The following TENM1 variants were observed in gnomAD, a reference collection of about 807,000 sequenced individuals.
TENM1 encodes the protein teneurin transmembrane protein 1.
Under a neutral mutation model 174.8 loss-of-function variants are expected in TENM1, and 35 were observed. The observed-to-expected ratio is 0.20, with a 90% confidence interval of 0.15 to 0.27. The LOEUF (loss-of-function observed/expected upper bound fraction) is 0.27. Among genes scored for constraint, TENM1 ranks in the 10% least tolerant of loss-of-function variants. TENM1 has a pLI of 1.00. For missense variants in TENM1, 1,633 were observed against 2,130.1 expected (o/e 0.77, Z 4.59); for synonymous variants, 781 against 798.7 (o/e 0.98, Z 0.37).
Position 124,948,172 on chromosome X carries a change from G to T in TENM1, c.217+15365C>A, listed in dbSNP as rs1287899661. On this transcript the variant is annotated intron_variant, in intron 1 of 31. Transcript: ENST00000422452. ...TGTAATGATAGTAACTGAAGTAATA[G>T]TTGTTGGTAGTAATTGGATCATAAA... 7.1e-5 allele frequency among the ~76,000 whole-genome samples: 8 copies of T among 112,099 alleles called. No individual in the cohort carries two copies. In the Admixed American group the frequency reaches 7.6e-4, roughly 11 times the overall value.
chrX:124,440,332 T>C (rs1199878823), intron 23 of TENM1, among the ~76,000 whole-genome samples: 3 of 112,293 alleles, frequency 2.7e-5, no homozygotes, highest in African/African-American at 6.5e-5. Context: ...CAACAGAAAA[T>C]ACTTCATGAA....
the TENM1 span, among the ~76,000 whole-genome samples, chrX:124,988,108 A>T: frequency 1.8e-5 from 2 of 111,685 alleles, no homozygotes; most frequent in African/African-American, 6.5e-5. Context: ...AGCAGTGATT[A>T]TAGAGGGGAG....
intron 11 of TENM1, among the ~76,000 whole-genome samples, chrX:124,588,514 G>A (rs2049617571): frequency 9.3e-6 from 1 of 107,216 alleles, no homozygotes; most frequent in South Asian, 4.5e-4. Flanking sequence ...GACACAGGAA[G>A]GGGAACATCA....
the TENM1 span, among the ~76,000 whole-genome samples, chrX:125,112,105 G>T: frequency 9.4e-6 from 1 of 106,356 alleles, no homozygotes; most frequent in African/African-American, 3.4e-5. Flanking sequence ...ATTTGTACCA[G>T]ATAGTAGCAA....
chrX:124,582,908 C>T lies in TENM1; in HGVS notation c.2078-17348G>A, dbSNP rs186447148. Among the ~76,000 whole-genome samples the T allele has an allele frequency of 7.2e-3, 812 of 112,430 alleles. 10 individuals are homozygous for T. The highest frequency in any genetic ancestry group is 0.025 in the African/African-American group (767 of 30,969). On this transcript the variant is annotated intron_variant, in intron 11 of 31. Transcript: ENST00000422452. ...CCCGCACCTGGCTTCGAGGGTCCTA[C>T]GCCCACGGAGTCTCGCTGATTGCTA...
At chrX:124,935,526 CCTT>C (rs2058232578) in intron 1 of TENM1, among the ~76,000 whole-genome samples, 1 of 112,210 alleles carries the variant, frequency 8.9e-6, no homozygotes, top group Non-Finnish European at 1.9e-5. Flanking sequence ...TTTTCAGTCT[CCTT>C]ATTTGATTAT....
intron 3 of TENM1, among the ~76,000 whole-genome samples, chrX:124,882,046 A>G (rs2057313570): frequency 8.9e-6 from 1 of 112,143 alleles, no homozygotes; most frequent in South Asian, 3.7e-4. Flanking sequence ...AGGTTTTGCT[A>G]TATTGTGTTT....
At chrX:124,467,715 T>G (rs146453786) in intron 22 of TENM1, among the ~76,000 whole-genome samples, 1,746 of 111,962 alleles carry the variant, frequency 0.016, 19 homozygotes, top group South Asian at 0.072. Flanking sequence ...AATGGAATAG[T>G]CAGGCATACA....
intron 11 of TENM1, among the ~76,000 whole-genome samples, chrX:124,586,888 C>T (rs1476632484): frequency 9.2e-6 from 1 of 109,173 alleles, no homozygotes; most frequent in Non-Finnish European, 1.9e-5. Flanking sequence ...TTCTTATACA[C>T]CAATAACAGA....
In TENM1 at chrX:124,547,461, G is replaced by A. The variant is rs1171857871; in HGVS notation, c.2435-371C>T. Reference sequence around the variant, plus strand: ...TTCTTTCCGAATGCGATGATTTCTTGTAAGTACACCTAGTACATCTATGAG... The same window carrying A: ...TTCTTTCCGAATGCGATGATTTCTTATAAGTACACCTAGTACATCTATGAG... On this transcript the variant is annotated intron_variant, in intron 14 of 31. Coordinates refer to ENST00000422452, the Ensembl canonical transcript of TENM1. Among the ~76,000 whole-genome samples the A allele has an allele frequency of 4.5e-5, 5 of 112,032 alleles. No individual in the cohort carries two copies. In the Admixed American group the frequency reaches 4.7e-4, roughly 11 times the overall value.
chrX:124,619,217 T>C lies in TENM1; in HGVS notation c.2077+22574A>G, dbSNP rs146210141. 1.4e-3 allele frequency among the ~76,000 whole-genome samples: 152 copies of C among 112,559 alleles called. 1 individual carries two copies. Among genetic ancestry groups the C allele is most frequent in the African/African-American group, 4.8e-3 (148 of 31,066 alleles). On this transcript the variant is annotated intron_variant, in intron 11 of 31. Transcript: ENST00000422452. ...ACCTTGAGCTGCCAATTGTAGTTCC[T>C]TCGTGAGACGGTAACCCCTAATATC...
At chrX:125,104,817 A>G in the TENM1 span, among the ~76,000 whole-genome samples, 1 of 112,244 alleles carries the variant, frequency 8.9e-6, no homozygotes. Context: ...CTTAAACATA[A>G]CAAACTACTT....
intron 3 of TENM1, among the ~76,000 whole-genome samples, chrX:124,804,175 C>A (rs931163513): frequency 9.0e-6 from 1 of 111,624 alleles, no homozygotes; most frequent in African/African-American, 3.3e-5. Context: ...GACCTGCCTG[C>A]CAGGAATAAC....
chrX:124,872,047 AAAAT>A (rs1481525019), intron 3 of TENM1, among the ~76,000 whole-genome samples: 5 of 108,816 alleles, frequency 4.6e-5, no homozygotes, highest in Non-Finnish European at 7.6e-5. Context: ...AAAAAAAAAA[AAAAT>A]AGAAGGAAGG....
intron 4 of TENM1, among the ~76,000 whole-genome samples, chrX:124,723,815 G>T (rs2047023274): frequency 9.1e-6 from 1 of 110,013 alleles, no homozygotes; most frequent in African/African-American, 3.3e-5. Flanking sequence ...TGGCCAGGAT[G>T]GTCTTGATCT....
chrX:124,911,730 A>C (rs1005219143), intron 1 of TENM1, among the ~76,000 whole-genome samples: 3 of 111,671 alleles, frequency 2.7e-5, no homozygotes, highest in Non-Finnish European at 5.6e-5. Context: ...GCCAGTTTGT[A>C]AAGGGCCTTA....
At chrX:124,462,431 T>TGG (rs1217120404) in intron 22 of TENM1, among the ~76,000 whole-genome samples, 18 of 8,965 alleles carry the variant, frequency 2.0e-3, no homozygotes, top group African/African-American at 2.9e-3. Flanking sequence ...TGTGTGTGTG[T>TGG]GGGGGGGGTG....
intron 15 of TENM1, among the ~76,000 whole-genome samples, chrX:124,530,825 C>A (rs1005604598): frequency 8.9e-6 from 1 of 112,288 alleles, no homozygotes; most frequent in African/African-American, 3.2e-5. Flanking sequence ...AAACTAGTCC[C>A]TAAATAGGGC....
chrX:125,112,329 T>A, the TENM1 span, among the ~76,000 whole-genome samples: 1 of 110,108 alleles, frequency 9.1e-6, no homozygotes, highest in Non-Finnish European at 1.9e-5. Context: ...AGCTACTAGA[T>A]AAAGCTATTA....
Sources: allele counts gnomAD v4.1 joint callset (sites outside exome capture counted in the v4.1 genomes callset), GRCh38; gene constraint gnomAD v4.1.1; transcripts MANE v1.5; gene names NCBI Gene and HGNC (gene_info 2026-07-23, HGNC 2026-07-21).